Variants in DNAAF6 observed in about 807,000 individuals in gnomAD.
DNAAF6 encodes the protein PIH1 domain containing 3.
In DNAAF6, 3 loss-of-function variants were observed where a neutral mutation model predicts 13.7. The observed-to-expected ratio is 0.22, with a 90% CI of 0.10 to 0.56. The LOEUF (loss-of-function observed/expected upper bound fraction) is 0.56, where lower values mean the gene tolerates loss of function less well. Ranked by LOEUF, DNAAF6 falls within the 20% of genes least tolerant of loss-of-function variation. DNAAF6 has a pLI of 0.92. For missense variants in DNAAF6, 130 were observed against 151.0 expected (o/e 0.86, Z 0.73); for synonymous variants, 54 against 49.2 (o/e 1.10, Z -0.41).
chrX:107,237,962 C>A (rs1198667177), intron 5 of DNAAF6, among the ~76,000 whole-genome samples: 1 of 112,209 alleles, frequency 8.9e-6, no homozygotes. Flanking sequence ...GCCTGGGCAA[C>A]AGAGCGGGAC....
intron 5 of DNAAF6, among the ~76,000 whole-genome samples, chrX:107,223,137 T>A (rs993880916): frequency 9.0e-6 from 1 of 111,606 alleles, no homozygotes; most frequent in African/African-American, 3.3e-5. Context: ...TGGACTGGAT[T>A]TTCTTCCATC....
In DNAAF6 at chrX:107,216,664, C is replaced by A. The variant is rs768112463; in HGVS notation, c.154-7C>A. 6.8e-6 allele frequency: 8 copies of A among 1,177,039 alleles called. No individual in the cohort carries two copies. The highest frequency in any genetic ancestry group is 1.1e-6 in the Non-Finnish European group (1 of 872,211). ...TACAGAATATTGAACTTTTTCTCCTCCCTCAGACAAATGGTTTATCTACTA... is the reference window on the plus strand; with the variant it reads ...TACAGAATATTGAACTTTTTCTCCTACCTCAGACAAATGGTTTATCTACTA... On this transcript the variant is annotated splice_polypyrimidine_tract_variant and splice_region_variant and intron_variant, in intron 2 of 6. Coordinates refer to ENST00000372453, the MANE Select transcript of DNAAF6 (RefSeq NM_173494.2).
chrX:107,235,645 A>G (rs1928496355), intron 5 of DNAAF6, among the ~76,000 whole-genome samples: 1 of 111,585 alleles, frequency 9.0e-6, no homozygotes, highest in South Asian at 3.8e-4. Context: ...TCAGATGTCT[A>G]CAACCACAGC....
Position 107,222,122 on chromosome X carries a change from G to C in DNAAF6, c.333-623G>C, listed in dbSNP as rs1450196692. On this transcript the variant is annotated intron_variant, in intron 4 of 6. Coordinates refer to ENST00000372453, the MANE Select transcript of DNAAF6 (RefSeq NM_173494.2). Reference sequence around the variant, plus strand: ...TTACACTCAGAATTCTGTAAGACTAGATTCTAAGCACTATGGTGTAGCTGT... The same window carrying C: ...TTACACTCAGAATTCTGTAAGACTACATTCTAAGCACTATGGTGTAGCTGT... 2.7e-5 allele frequency among the ~76,000 whole-genome samples: 3 copies of C among 110,588 alleles called. No homozygotes were observed. In the East Asian group the frequency reaches 8.5e-4, roughly 31 times the overall value.
At position 107,243,811 on chromosome X, in the gene DNAAF6, ATGGT is replaced by A. The variant is rs1928674297; in HGVS notation, c.*518_*521del. The A allele has an allele frequency of 8.8e-6, 1 of 113,469 alleles. No individual in the cohort carries two copies. Among genetic ancestry groups the A allele is most frequent in the Non-Finnish European group, 1.9e-5 (1 of 53,588 alleles). The allele number at this position is 113,469 out of a possible 1,213,427, so 9.4% of individuals were successfully genotyped here. Reference sequence around the variant, plus strand: ...TACATAATTGAAATATGATCATGAAATGGTTGGTCCACTTACTTCAGTAGTCTGA... The same window carrying A: ...TACATAATTGAAATATGATCATGAAATGGTCCACTTACTTCAGTAGTCTGA... On this transcript the variant is annotated 3_prime_UTR_variant, in exon 7 of 7. Transcript: ENST00000372453.
chrX:107,220,465 A>T (rs1013443341), intron 4 of DNAAF6, among the ~76,000 whole-genome samples: 3 of 112,158 alleles, frequency 2.7e-5, no homozygotes, highest in African/African-American at 6.5e-5. Flanking sequence ...TGTTAGGTAG[A>T]TAGAACATCC....
chrX:107,236,169 C>A (rs1174232052), intron 5 of DNAAF6, among the ~76,000 whole-genome samples: 1 of 111,462 alleles, frequency 9.0e-6, no homozygotes, highest in Non-Finnish European at 1.9e-5. Flanking sequence ...AGTAACAGAA[C>A]CAGAATTTAA....
At chrX:107,233,047 G>A (rs980997009) in intron 5 of DNAAF6, among the ~76,000 whole-genome samples, 3 of 111,071 alleles carry the variant, frequency 2.7e-5, no homozygotes, top group African/African-American at 6.5e-5. Context: ...ACACTAGAAA[G>A]GTTAATCTAA....
intron 2 of DNAAF6, among the ~76,000 whole-genome samples, chrX:107,216,395 T>C (rs1927985046): frequency 8.9e-6 from 1 of 111,939 alleles, no homozygotes; most frequent in African/African-American, 3.2e-5. Flanking sequence ...TCCCCAGGGA[T>C]ACATGATTCA....
chrX:107,213,065 A>C, intron 2 of DNAAF6, 37 bp downstream of exon 2: 1 of 1,143,463 alleles, frequency 8.7e-7, no homozygotes, highest in East Asian at 3.1e-5. Flanking sequence ...AGTTTTGTTC[A>C]TGGGAAGTTG....
At chrX:107,219,556 T>C (rs952710796) in intron 4 of DNAAF6, among the ~76,000 whole-genome samples, 33 of 111,936 alleles carry the variant, frequency 2.9e-4, no homozygotes, top group African/African-American at 1.0e-3. Context: ...TTTATTCTGA[T>C]TTTAAAAGCA....
intron 5 of DNAAF6, among the ~76,000 whole-genome samples, chrX:107,233,858 A>T (rs1180581177): frequency 3.6e-5 from 4 of 112,020 alleles, no homozygotes; most frequent in Non-Finnish European, 7.5e-5. Flanking sequence ...TCAGGATTTG[A>T]TGAGGGATGG....
At position 107,212,950 on chromosome X, in the gene DNAAF6, T is replaced by G. The variant is rs768169418; in HGVS notation, c.75T>G (p.Ser25Arg). 3 of 1,206,917 alleles carry G rather than the reference T, an allele frequency of 2.5e-6. No homozygotes were observed. Among genetic ancestry groups the G allele is most frequent in the Non-Finnish European group, 3.4e-6 (3 of 893,586 alleles). Residue 25 changes from serine to arginine, a missense_variant, in exon 2 of 7, where the codon AGT becomes AGG. By Grantham distance (110) the Ser-to-Arg change is moderately radical. Transcript: ENST00000372453. ...AATCTCAAAATGTAGACTTTGAGAG[T>G]GTTTCTTCAGTTACAGCTCTGGAAG... The part of the protein sequence containing the change: ...NMESQNVDFE[S>R]VSSVTALEAL...
chrX:107,221,910 C>CATAATA (rs35475398), intron 4 of DNAAF6, among the ~76,000 whole-genome samples: 3,988 of 98,327 alleles, frequency 0.041, 80 homozygotes, highest in African/African-American at 0.063. Flanking sequence ...TAGCATTAAG[C>CATAATA]ATAATAATAA....
chrX:107,220,957 TTTTC>T lies in DNAAF6; in HGVS notation c.333-1769_333-1766del, dbSNP rs202218530. On this transcript the variant is annotated intron_variant, in intron 4 of 6. Transcript: ENST00000372453. Reference sequence around the variant, plus strand: ...TTTCTTTCTTTCTTTCTTTCTTTCTTTTTCTTTCTTTCTTTCTTTCTTCCTTTTT... The same window carrying T: ...TTTCTTTCTTTCTTTCTTTCTTTCTTTTTCTTTCTTTCTTTCTTCCTTTTT... Among the ~76,000 whole-genome samples the T allele has an allele frequency of 5.5e-3, 277 of 50,528 alleles. 2 individuals are homozygous for T. The highest frequency in any genetic ancestry group is 0.017 in the African/African-American group (235 of 14,004). 43.9% of individuals were successfully genotyped at this position (50,528 alleles called of 115,157 possible). A position where few individuals can be genotyped will look rare whatever the true frequency, so the allele number is the denominator to read the frequency against.
intron 3 of DNAAF6, among the ~76,000 whole-genome samples, chrX:107,218,469 A>C (rs1195488178): frequency 9.0e-6 from 1 of 111,222 alleles, no homozygotes; most frequent in Non-Finnish European, 1.9e-5. Flanking sequence ...AATATTTTTA[A>C]ATATAATCCT....
chrX:107,210,723 G>A (rs1163130691), intron 1 of DNAAF6, among the ~76,000 whole-genome samples: 6 of 111,225 alleles, frequency 5.4e-5, no homozygotes, highest in Middle Eastern at 4.2e-3. Context: ...CACCATACCC[G>A]GCCAGAATCT....
intron 5 of DNAAF6, among the ~76,000 whole-genome samples, chrX:107,234,578 G>T (rs917821496): frequency 7.1e-5 from 8 of 111,988 alleles, no homozygotes; most frequent in Non-Finnish European, 1.5e-4. Flanking sequence ...AGAATCAAAT[G>T]TGTGAGGAGT....
At chrX:107,242,653 T>C (rs1056882269) in intron 6 of DNAAF6, among the ~76,000 whole-genome samples, 2 of 112,424 alleles carry the variant, frequency 1.8e-5, no homozygotes, top group African/African-American at 6.5e-5. Flanking sequence ...AATGTGTAAG[T>C]AGAAAGAATC....
Sources: gnomAD v4.1 joint callset for allele counts (sites outside exome capture counted in the v4.1 genomes callset) on GRCh38, gnomAD v4.1.1 for gene constraint, MANE v1.5 for transcripts, NCBI Gene and HGNC (gene_info 2026-07-23, HGNC 2026-07-21) for gene names.